The following FAM186A variants were observed in gnomAD, a reference collection of about 807,000 sequenced individuals.
The protein encoded by FAM186A is protein FAM186A.
Under a neutral mutation model 216.8 loss-of-function variants are expected in FAM186A, and 163 were observed. The observed-to-expected ratio is 0.75, with a 90% confidence interval of 0.66 to 0.86. The LOEUF is 0.86. Among genes scored for constraint, FAM186A ranks in the 40% least tolerant of loss-of-function variants. The pLI is 0.00. For missense variants in FAM186A, 2,184 were observed against 2,746.2 expected (o/e 0.80, Z 4.58); for synonymous variants, 805 against 1,025.3 (o/e 0.79, Z 4.10).
rs1437068116 is a variant in FAM186A at position 50,396,467 on chromosome 12, T to A, written c.18A>T (p.Lys6Asn). MFFKM[K>N]NEIDNDPESE... ...ATTCAGGGTCATTGTCTATCTCATT[T>A]TTCATTTTGAAGAACATTTTGAAAA... The change falls in exon 1 of 8, where the codon AAA (lysine) becomes AAT (asparagine). Residue 6 changes from lysine to asparagine, a missense_variant. By Grantham distance (94) the Lys-to-Asn change is moderately conservative. This residue lies in a region of FAM186A where 1,132 missense variants were observed against 1,263.4 expected (regional missense o/e 0.90). Coordinates refer to ENST00000327337, the MANE Select transcript of FAM186A (RefSeq NM_001145475.3). The A allele has an allele frequency of 8.5e-6, 13 of 1,535,882 alleles. No homozygotes were observed. In the East Asian group the frequency reaches 2.9e-4, roughly 35 times the overall value.
chr12:50,342,938 ATTTT>A (rs66491621), intron 4 of FAM186A, among the ~76,000 whole-genome samples: 3 of 141,224 alleles, frequency 2.1e-5, no homozygotes, highest in African/African-American at 7.8e-5. Flanking sequence ...AGACTAGATA[ATTTT>A]TTTTTTTTTT....
In FAM186A at chr12:50,354,933, T is replaced by C; in HGVS notation, c.1899A>G (p.Gln633=). 6.4e-7 allele frequency: 1 copy of C among 1,550,724 alleles called. No homozygotes were observed. Among genetic ancestry groups the C allele is most frequent in the Non-Finnish European group, 8.7e-7 (1 of 1,146,866 alleles). Residue 633 remains glutamine (Q), a synonymous_variant, in exon 4 of 8, where the codon CAA becomes CAG. Transcript: ENST00000327337. The part of the protein sequence containing the change: ...KTEEKEELTK[Q]VKSHQLVKSL... Reference sequence around the variant, plus strand: ...ATTTAACAAGTTGATGAGACTTGACTTGTTTGGTCAACTCTTCCTTCTCTT... The same window carrying C: ...ATTTAACAAGTTGATGAGACTTGACCTGTTTGGTCAACTCTTCCTTCTCTT...
At chr12:50,357,036 ACATACATACAT>A (rs1942985019) in intron 3 of FAM186A, among the ~76,000 whole-genome samples, 2 of 151,442 alleles carry the variant, frequency 1.3e-5, no homozygotes, top group South Asian at 4.2e-4. Context: ...ATACATACAT[ACATACATACAT>A]ACATAAAATA....
intron 7 of FAM186A, among the ~76,000 whole-genome samples, chr12:50,330,069 A>G (rs1329881381): frequency 6.6e-6 from 1 of 152,200 alleles, no homozygotes; most frequent in Non-Finnish European, 1.5e-5. Context: ...TTCCTCTGGA[A>G]TAATTTCTAG....
intron 4 of FAM186A, among the ~76,000 whole-genome samples, chr12:50,349,407 T>G (rs1424754778): frequency 6.6e-6 from 1 of 152,046 alleles, no homozygotes; most frequent in Non-Finnish European, 1.5e-5. Flanking sequence ...CAGGCTTGTC[T>G]CAAACCCCTG....
intron 1 of FAM186A, among the ~76,000 whole-genome samples, chr12:50,364,974 G>A (rs1420700737): frequency 6.9e-6 from 1 of 143,940 alleles, no homozygotes; most frequent in Non-Finnish European, 1.5e-5. Flanking sequence ...GGAGGTAAAG[G>A]TTGCAGTGAG....
chr12:50,337,458 A>G (rs2138761634), intron 4 of FAM186A, among the ~76,000 whole-genome samples: 1 of 146,006 alleles, frequency 6.8e-6, no homozygotes, highest in East Asian at 2.0e-4. Flanking sequence ...CAGGCCTGCC[A>G]ATTTTTTTTT....
intron 7 of FAM186A, among the ~76,000 whole-genome samples, chr12:50,327,756 G>A (rs1326813494): frequency 2.0e-5 from 3 of 151,966 alleles, no homozygotes; most frequent in African/African-American, 7.2e-5. Flanking sequence ...TGTTGCCCAG[G>A]TTGGTCTTGA....
chr12:50,393,077 C>T (rs544847171), intron 1 of FAM186A, among the ~76,000 whole-genome samples: 46 of 150,806 alleles, frequency 3.1e-4, no homozygotes, highest in African/African-American at 1.1e-3. Context: ...CAGGCGCCCG[C>T]CACCACGCCC....
chr12:50,333,594 T>C (rs1942678108), intron 5 of FAM186A, among the ~76,000 whole-genome samples: 1 of 152,058 alleles, frequency 6.6e-6, no homozygotes, highest in Non-Finnish European at 1.5e-5. Flanking sequence ...AGATTGGAAT[T>C]ATGTGGCTAC....
At chr12:50,338,146 C>A (rs764928564) in intron 4 of FAM186A, among the ~76,000 whole-genome samples, 1 of 152,180 alleles carries the variant, frequency 6.6e-6, no homozygotes, top group Non-Finnish European at 1.5e-5. Context: ...TACTACTGTA[C>A]TACTACTGTT....
chr12:50,346,805 C>T (rs933452907), intron 4 of FAM186A, among the ~76,000 whole-genome samples: 2 of 151,800 alleles, frequency 1.3e-5, no homozygotes, highest in African/African-American at 4.8e-5. Context: ...GGAGATTGCC[C>T]CACTGCACTC....
chr12:50,388,521 A>G (rs1943326791), intron 1 of FAM186A, among the ~76,000 whole-genome samples: 1 of 151,716 alleles, frequency 6.6e-6, no homozygotes, highest in Admixed American at 6.6e-5. Flanking sequence ...TAGGAGGCTG[A>G]GGCAGGAGAA....
chr12:50,356,000 C>A lies in FAM186A; in HGVS notation c.832G>T (p.Glu278Ter). Residue 278 changes from glutamate (E) to a stop codon, truncating the protein, a stop_gained, in exon 4 of 8, where the codon GAA (glutamate) becomes TAA (stop). Coordinates refer to ENST00000327337, the MANE Select transcript of FAM186A (RefSeq NM_001145475.3). LOFTEE classifies it high-confidence loss of function. ...CTTTGGAAGTTAACACATTTTAATT[C>A]ATCATTTAGCATACTCAAAGCTGTA... The part of the protein sequence containing the change: ...LSTALSMLND[E>*]LKCVNFQSST... 6.4e-7 allele frequency: 1 copy of A among 1,551,564 alleles called. No homozygotes were observed. The highest frequency in any genetic ancestry group is 8.7e-7 in the Non-Finnish European group (1 of 1,146,974).
chr12:50,328,116 T>C (rs1042171965), intron 7 of FAM186A, among the ~76,000 whole-genome samples: 1 of 152,258 alleles, frequency 6.6e-6, no homozygotes, highest in Non-Finnish European at 1.5e-5. Context: ...AAAATAATTA[T>C]ATAAATATAC....
chr12:50,350,226 G>C (rs913911142), intron 4 of FAM186A, 103 bp downstream of exon 4: 2 of 1,088,890 alleles, frequency 1.8e-6, no homozygotes, highest in Non-Finnish European at 2.6e-6. Context: ...CAGTCCTTTA[G>C]AACATATGGC....
Position 50,330,578 on chromosome 12 carries a change from T to C in FAM186A, c.7029A>G (p.Gln2343=). Residue 2343 remains glutamine, a synonymous_variant, in exon 7 of 8, where the codon CAA becomes CAG. Coordinates refer to ENST00000327337, the MANE Select transcript of FAM186A (RefSeq NM_001145475.3). ...STFRKSLASL[Q]SRVKKIPK ...GCTTCCAGTCCATAACTTACCGTGA[T>C]TGGAGGGATGCAAGAGATTTTCGGA... The C allele has an allele frequency of 6.4e-7, 1 of 1,550,680 alleles. No homozygotes were observed. The highest frequency in any genetic ancestry group is 8.7e-7 in the Non-Finnish European group (1 of 1,146,644).
intron 1 of FAM186A, among the ~76,000 whole-genome samples, chr12:50,385,726 C>G (rs888485083): frequency 6.6e-6 from 1 of 151,316 alleles, no homozygotes; most frequent in Admixed American, 6.6e-5. Context: ...CATGGTGAAA[C>G]CCCGTCTCTA....
chr12:50,382,146 G>T (rs1434520526), intron 1 of FAM186A, among the ~76,000 whole-genome samples: 2 of 150,200 alleles, frequency 1.3e-5, no homozygotes, highest in Non-Finnish European at 2.9e-5. Flanking sequence ...CATGTTACTT[G>T]ATGAGCAGTC....
Sources: allele counts gnomAD v4.1 joint callset (sites outside exome capture counted in the v4.1 genomes callset), GRCh38; gene constraint gnomAD v4.1.1; regional missense constraint gnomAD v4.1.1; transcripts MANE v1.5; gene names NCBI Gene and HGNC (gene_info 2026-07-23, HGNC 2026-07-21).